Variants in THBS4 observed in about 807,000 individuals in gnomAD.
THBS4 encodes the protein thrombospondin-4.
Under a neutral mutation model 115.7 loss-of-function variants are expected in THBS4, and 90 were observed. That is an observed-to-expected ratio of 0.78 (90% CI 0.66 to 0.93). The LOEUF is 0.93. THBS4 is among the 40% of genes least tolerant of loss of function. The probability of loss-of-function intolerance (pLI) is 0.00; values close to 1 mark genes in which losing one functional copy is unlikely to be tolerated. For synonymous variants in THBS4, 460 were observed against 479.3 expected (o/e 0.96, Z 0.53); for missense variants, 1,087 against 1,232.7 (o/e 0.88, Z 1.77).
At chr5:80,058,939 G>A (rs1161608271) in intron 5 of THBS4, 149 bp downstream of exon 5, 4 of 696,902 alleles carry the variant, frequency 5.7e-6, no homozygotes, top group Non-Finnish European at 7.1e-6. Context: ...CCAGGGCTCT[G>A]CTGGAAGTTC....
intron 1 of THBS4, among the ~76,000 whole-genome samples, chr5:79,993,549 G>A (rs1435881768): frequency 6.6e-6 from 1 of 152,208 alleles, no homozygotes; most frequent in East Asian, 1.9e-4. Context: ...CCATGTTTGT[G>A]TGGGATGGCC....
intron 2 of THBS4, among the ~76,000 whole-genome samples, chr5:80,013,842 G>A (rs932222450): frequency 6.6e-4 from 101 of 152,268 alleles, no homozygotes; most frequent in African/African-American, 2.2e-3. Flanking sequence ...TTGGCATAGG[G>A]CCTAAAACGT....
At chr5:80,037,316 T>A (rs1281214695) in intron 1 of THBS4, among the ~76,000 whole-genome samples, 1 of 152,214 alleles carries the variant, frequency 6.6e-6, no homozygotes, top group Non-Finnish European at 1.5e-5. Context: ...TAGATTCTTT[T>A]ATTGCATTAT....
At chr5:79,999,294 C>G (rs542548103) in intron 2 of THBS4, among the ~76,000 whole-genome samples, 4 of 152,146 alleles carry the variant, frequency 2.6e-5, no homozygotes, top group Non-Finnish European at 5.9e-5. Flanking sequence ...ATTTCTTATA[C>G]TATCCCTGTG....
chr5:80,016,130 A>G (rs1419670652), intron 2 of THBS4, among the ~76,000 whole-genome samples: 3 of 152,186 alleles, frequency 2.0e-5, no homozygotes, highest in Non-Finnish European at 4.4e-5. Flanking sequence ...TGTGTCACAC[A>G]TTCCCAAACC....
At chr5:80,036,115 C>G (rs539046933) in intron 1 of THBS4, 1 of 986,202 alleles carries the variant, frequency 1.0e-6, no homozygotes, top group Non-Finnish European at 1.2e-6. Flanking sequence ...TCTGCTCTGA[C>G]TTTGCTTGAA....
intron 2 of THBS4, among the ~76,000 whole-genome samples, chr5:80,018,090 A>G (rs1450310571): frequency 1.3e-5 from 2 of 152,130 alleles, no homozygotes; most frequent in Non-Finnish European, 2.9e-5. Flanking sequence ...TTGGCTTATC[A>G]TCTTTCAGCA....
Position 80,058,790 on chromosome 5 carries a change from G to A in THBS4, c.732G>A (p.Gln244=), listed in dbSNP as rs1327938518. ...AGGTGAAGGACCTTCTGAGACAGCAGGTAACAAGCGGGACATATCATCAGA... is the reference window on the plus strand; with the variant it reads ...AGGTGAAGGACCTTCTGAGACAGCAAGTAACAAGCGGGACATATCATCAGA... ...LGEVKDLLRQ[Q]VKETSFLRNT... is the part of the protein sequence containing the mutation. The change falls in exon 5 of 22, where the codon CAG becomes CAA. Residue 244 remains glutamine (Q), a splice_region_variant and synonymous_variant. Transcript: ENST00000350881. 1.2e-6 allele frequency: 2 copies of A among 1,613,436 alleles called. No homozygotes were observed. The highest frequency in any genetic ancestry group is 2.2e-5 in the South Asian group (2 of 90,946).
At chr5:80,067,008 A>G (rs1353110102) in intron 9 of THBS4, 2 of 152,218 alleles carry the variant, frequency 1.3e-5, no homozygotes, top group African/African-American at 4.8e-5. Flanking sequence ...ATCATTAAAC[A>G]ATATATATAC....
At chr5:80,047,633 A>ATATT (rs745337878) in intron 2 of THBS4, among the ~76,000 whole-genome samples, 1 of 102,446 alleles carries the variant, frequency 9.8e-6, no homozygotes, top group Non-Finnish European at 2.2e-5. Flanking sequence ...AAAATTAAGA[A>ATATT]TTTTTTTTTT....
At chr5:80,081,100 A>G (rs968545337) in intron 20 of THBS4, among the ~76,000 whole-genome samples, 2 of 152,202 alleles carry the variant, frequency 1.3e-5, no homozygotes, top group African/African-American at 4.8e-5. Context: ...TTGAACTTGC[A>G]GATCAACACC....
At chr5:80,082,074 A>G (rs1346750341) in intron 20 of THBS4, 3 of 245,842 alleles carry the variant, frequency 1.2e-5, no homozygotes, top group Non-Finnish European at 2.3e-5. Context: ...CTCACTCAAG[A>G]TAGCAGGTTT....
chr5:80,035,359 C>A lies in THBS4; in HGVS notation c.-179C>A, dbSNP rs1035231025. On this transcript the variant is annotated 5_prime_UTR_variant, in exon 1 of 22. Coordinates refer to ENST00000350881, the MANE Select transcript of THBS4 (RefSeq NM_003248.6). The surrounding 1 kb of genome is among the most constrained non-coding windows in gnomAD (Gnocchi z 4.6). The stretch of plus-strand genomic sequence containing the variant: ...CTGCCGCGGAGCCCAGCAGCCAGCT[C>A]CCCAGCACCGCACGGCGGGGACGCG... The A allele has an allele frequency of 9.5e-6, 2 of 209,640 alleles. No homozygotes were observed. Among genetic ancestry groups the A allele is most frequent in the Non-Finnish European group, 1.8e-5 (2 of 110,296 alleles). 13.0% of individuals were successfully genotyped at this position (209,640 alleles called of 1,614,324 possible). A position where few individuals can be genotyped will look rare whatever the true frequency, so the allele number is the denominator to read the frequency against.
At chr5:80,081,519 C>A (rs1743505637) in intron 20 of THBS4, among the ~76,000 whole-genome samples, 1 of 152,170 alleles carries the variant, frequency 6.6e-6, no homozygotes, top group Admixed American at 6.5e-5. Flanking sequence ...TGCACCCATG[C>A]CTAGAATCAC....
intron 2 of THBS4, among the ~76,000 whole-genome samples, chr5:80,047,811 T>A (rs564341807): frequency 2.6e-5 from 4 of 151,976 alleles, no homozygotes; most frequent in African/African-American, 7.2e-5. Flanking sequence ...TTTTTTTTGT[T>A]GTTGTCGTTA....
At chr5:80,064,070 T>A (rs1480523489) in intron 8 of THBS4, among the ~76,000 whole-genome samples, 3 of 152,146 alleles carry the variant, frequency 2.0e-5, no homozygotes, top group Non-Finnish European at 4.4e-5. Flanking sequence ...TCCAGGACCC[T>A]CAGAGAACCA....
chr5:79,996,938 G>A (rs10035498), intron 1 of THBS4, among the ~76,000 whole-genome samples: 28,739 of 151,760 alleles, frequency 0.19, 3,043 homozygotes, highest in Middle Eastern at 0.26. Context: ...CCAATAGACT[G>A]TGATGTTAAA....
Position 80,040,226 on chromosome 5 carries a change from TCAACTGA to T in THBS4, c.243_249del (p.Asp82ValfsTer8), listed in dbSNP as rs759659411. Reference sequence around the variant, plus strand: ...AGCCACCATCTTCGGTCTTTACTCTTCAACTGACAACAGTAAATATTTTGAATTTACT... The same window carrying T: ...AGCCACCATCTTCGGTCTTTACTCTTCAACAGTAAATATTTTGAATTTACT... On this transcript the variant is annotated frameshift_variant, in exon 2 of 22. Transcript: ENST00000350881. LOFTEE classifies it high-confidence loss of function. 3.1e-6 allele frequency: 5 copies of T among 1,614,108 alleles called. No homozygotes were observed. Among genetic ancestry groups the T allele is most frequent in the Non-Finnish European group, 4.2e-6 (5 of 1,180,018 alleles).
At position 80,059,988 on chromosome 5, in the gene THBS4, A is replaced by G. The variant is rs1833578437; in HGVS notation, c.987+83A>G. 3.5e-5 allele frequency: 48 copies of G among 1,380,118 alleles called. 1 individual carries two copies. The South Asian group carries it at 5.7e-4, about 16-fold the overall frequency. 85.5% of individuals were successfully genotyped at this position (1,380,118 alleles called of 1,614,324 possible). ...TTTGGAAAAAGAAGCCAAGCTGATG[A>G]TTAAGGGCTGACTTGGGCTGTCCTC... On this transcript the variant is annotated intron_variant, in intron 7 of 21. Coordinates refer to ENST00000350881, the MANE Select transcript of THBS4 (RefSeq NM_003248.6).
Sources: allele counts gnomAD v4.1 joint callset (sites outside exome capture counted in the v4.1 genomes callset), GRCh38; gene constraint gnomAD v4.1.1; non-coding constraint Gnocchi (gnomAD v3.1); transcripts MANE v1.5; gene names NCBI Gene and HGNC (gene_info 2026-07-23, HGNC 2026-07-21).